Variants in GAPVD1 observed in about 807,000 individuals in gnomAD.
GAPVD1 encodes GTPase-activating protein and VPS9 domain-containing protein 1.
A neutral mutation model predicts 155.5 loss-of-function variants in GAPVD1; 35 were observed. The observed-to-expected ratio is 0.23, with a 90% CI of 0.17 to 0.30. The LOEUF (loss-of-function observed/expected upper bound fraction) is 0.30. Among genes scored for constraint, GAPVD1 ranks in the 10% least tolerant of loss-of-function variants. The probability of loss-of-function intolerance (pLI) is 1.00; values close to 1 mark genes in which losing one functional copy is unlikely to be tolerated. For synonymous variants in GAPVD1, 636 were observed against 619.7 expected (o/e 1.03, Z -0.39); for missense variants, 1,429 against 1,775.7 (o/e 0.80, Z 3.51).
At chr9:125,346,796 T>C (rs1310692230) in intron 19 of GAPVD1, 23 bp from the exon 20 acceptor site, 4 of 1,605,882 alleles carry the variant, frequency 2.5e-6, no homozygotes, top group African/African-American at 2.7e-5. Flanking sequence ...GGGCTAATTC[T>C]CTCACTCTCC....
At position 125,365,988 on chromosome 9, in the gene GAPVD1, TTCTC is replaced by T. The variant is rs1436821493; in HGVS notation, c.*3243_*3246del. The T allele has an allele frequency of 1.3e-5, 2 of 152,256 alleles. No individual in the cohort carries two copies. Among genetic ancestry groups the T allele is most frequent in the Non-Finnish European group, 2.9e-5 (2 of 68,050 alleles). The allele number at this position is 152,256 out of a possible 1,614,324, so 9.4% of individuals were successfully genotyped here. A position where few individuals can be genotyped will look rare whatever the true frequency, so the allele number is the denominator to read the frequency against. ...AAACGTGTCAAACATTTTGCTTTCT[TTCTC>T]CATTTTAGGTAAAATCTCAGCCACA... On this transcript the variant is annotated 3_prime_UTR_variant, in exon 28 of 28. Transcript: ENST00000297933.
intron 2 of GAPVD1, among the ~76,000 whole-genome samples, chr9:125,270,538 G>C (rs761833225): frequency 6.6e-6 from 1 of 152,176 alleles, no homozygotes; most frequent in African/African-American, 2.4e-5. Flanking sequence ...TTTCAGAAGG[G>C]TGGTTATTTT....
chr9:125,316,715 T>C lies in GAPVD1; in HGVS notation c.1602+4103T>C, dbSNP rs530429176. On this transcript the variant is annotated intron_variant, in intron 9 of 27. Coordinates refer to ENST00000297933, the MANE Select transcript of GAPVD1 (RefSeq NM_001282680.3). ...CAATAAACGTATGTGTGCATGTGTC[T>C]TTATAGTAGAATGATTTATAATCCT... Among the ~76,000 whole-genome samples, 11 of 152,314 alleles carry C rather than the reference T, an allele frequency of 7.2e-5. 1 individual carries two copies. Among genetic ancestry groups the C allele is most frequent in the Admixed American group, 5.2e-4 (8 of 15,298 alleles).
At chr9:125,282,531 G>T (rs180718040) in intron 2 of GAPVD1, among the ~76,000 whole-genome samples, 1 of 152,242 alleles carries the variant, frequency 6.6e-6, no homozygotes, top group Non-Finnish European at 1.5e-5. Flanking sequence ...CTTTAGTTAC[G>T]ACTTTGATAT....
At chr9:125,359,923 C>G (rs984079042) in intron 26 of GAPVD1, 1 of 158,296 alleles carries the variant, frequency 6.3e-6, no homozygotes, top group African/African-American at 2.4e-5. Context: ...TTTACCTGTC[C>G]TACATCTCTT....
At chr9:125,307,980 G>A (rs759907408) in intron 8 of GAPVD1, 100 bp downstream of exon 8, 9 of 827,100 alleles carry the variant, frequency 1.1e-5, no homozygotes. Flanking sequence ...AAGTACTTGG[G>A]AAAGTCTTTC....
intron 6 of GAPVD1, among the ~76,000 whole-genome samples, chr9:125,306,892 A>G (rs1297190500): frequency 6.6e-6 from 1 of 152,154 alleles, no homozygotes; most frequent in Non-Finnish European, 1.5e-5. Context: ...CACTTTGGGA[A>G]GCTGAGGTGG....
chr9:125,284,764 G>T (rs1218831286), intron 2 of GAPVD1, among the ~76,000 whole-genome samples: 2 of 152,052 alleles, frequency 1.3e-5, no homozygotes, highest in Non-Finnish European at 2.9e-5. Flanking sequence ...AAGCTATATG[G>T]CATAGCCTAT....
chr9:125,326,255 C>T lies in GAPVD1; in HGVS notation c.1859-161C>T, dbSNP rs570490337. 4.6e-5 allele frequency among the ~76,000 whole-genome samples: 7 copies of T among 152,296 alleles called. No homozygotes were observed. In the South Asian group the frequency reaches 6.2e-4, roughly 14 times the overall value. ...TTGATAGGCCAGGCACAGTGGCTCA[C>T]GCCTGTAATCCCAGCACTTTGGGAG... is the stretch of plus-strand genomic sequence containing the variant. On this transcript the variant is annotated intron_variant, in intron 11 of 27. Coordinates refer to ENST00000297933, the MANE Select transcript of GAPVD1 (RefSeq NM_001282680.3).
chr9:125,320,114 C>T (rs1216155833), intron 9 of GAPVD1, among the ~76,000 whole-genome samples: 1 of 152,082 alleles, frequency 6.6e-6, no homozygotes, highest in Non-Finnish European at 1.5e-5. Context: ...TGTATCGCCT[C>T]ACATATTTTT....
At chr9:125,275,492 T>C (rs753053538) in intron 2 of GAPVD1, among the ~76,000 whole-genome samples, 14 of 152,338 alleles carry the variant, frequency 9.2e-5, no homozygotes, top group Non-Finnish European at 1.5e-4. Context: ...CTCAGGCCTA[T>C]AGTCCCAGCA....
chr9:125,271,023 A>C (rs1224958619), intron 2 of GAPVD1, among the ~76,000 whole-genome samples: 1 of 151,460 alleles, frequency 6.6e-6, no homozygotes, highest in Non-Finnish European at 1.5e-5. Flanking sequence ...TTTTTTTTTG[A>C]GTTTGAAGAT....
chr9:125,288,335 C>T (rs1030356041), intron 2 of GAPVD1, among the ~76,000 whole-genome samples: 1 of 152,094 alleles, frequency 6.6e-6, no homozygotes, highest in Non-Finnish European at 1.5e-5. Context: ...TGGTCTCAAA[C>T]TCCTGACTTC....
chr9:125,344,493 A>G (rs748314601), intron 19 of GAPVD1, among the ~76,000 whole-genome samples: 1 of 152,218 alleles, frequency 6.6e-6, no homozygotes, highest in Non-Finnish European at 1.5e-5. Flanking sequence ...ACAGATTTAT[A>G]TAAATTGCAT....
At chr9:125,311,002 G>C (rs970018788) in intron 8 of GAPVD1, among the ~76,000 whole-genome samples, 22 of 150,456 alleles carry the variant, frequency 1.5e-4, no homozygotes, top group African/African-American at 5.2e-4. Context: ...ACCATGCCCG[G>C]CTAATTTTTT....
intron 17 of GAPVD1, among the ~76,000 whole-genome samples, 187 bp from the exon 18 acceptor site, chr9:125,340,990 G>A (rs890187345): frequency 2.6e-5 from 4 of 152,296 alleles, no homozygotes; most frequent in Non-Finnish European, 4.4e-5. Flanking sequence ...AGGCTGATAC[G>A]GGGAGGATCG....
intron 2 of GAPVD1, among the ~76,000 whole-genome samples, chr9:125,286,263 G>A (rs188300441): frequency 6.0e-4 from 92 of 152,196 alleles, no homozygotes; most frequent in Admixed American, 3.3e-3. Flanking sequence ...ACAGCTGTGC[G>A]CCACCATGCC....
intron 15 of GAPVD1, among the ~76,000 whole-genome samples, chr9:125,334,691 G>A (rs1180254663): frequency 6.6e-6 from 1 of 151,980 alleles, no homozygotes; most frequent in African/African-American, 2.4e-5. Context: ...CTTGAGCCCA[G>A]GAGTTCGACA....
intron 22 of GAPVD1, 52 bp downstream of exon 22, chr9:125,350,456 T>C: frequency 1.8e-6 from 2 of 1,141,580 alleles, no homozygotes; most frequent in Non-Finnish European, 2.6e-6. Flanking sequence ...GGTTGCACCA[T>C]ATGAAATTGC....
Sources: allele counts gnomAD v4.1 joint callset (sites outside exome capture counted in the v4.1 genomes callset), GRCh38; gene constraint gnomAD v4.1.1; transcripts MANE v1.5; gene names NCBI Gene and HGNC (gene_info 2026-07-23, HGNC 2026-07-21).